Variants in WDR89 observed in about 807,000 individuals in gnomAD.
WDR89 encodes the protein WD repeat-containing protein 89.
A neutral mutation model predicts 29.1 loss-of-function variants in WDR89; 17 were observed. The observed-to-expected ratio is 0.58, with a 90% CI of 0.40 to 0.88. The LOEUF (loss-of-function observed/expected upper bound fraction) is 0.88, where lower values mean the gene tolerates loss of function less well. Among genes scored for constraint, WDR89 ranks in the 40% least tolerant of loss-of-function variants. WDR89 has a pLI of 0.00. For missense variants in WDR89, 396 were observed against 456.3 expected, an observed-to-expected ratio of 0.87 and a Z score of 1.20; for synonymous variants, 138 against 157.8, an observed-to-expected ratio of 0.87 and a Z score of 0.94.
intron 2 of WDR89, among the ~76,000 whole-genome samples, chr14:63,603,829 C>T (rs920164323): frequency 1.3e-5 from 2 of 152,180 alleles, no homozygotes; most frequent in Admixed American, 1.3e-4. Context: ...TTTCCAGTAA[C>T]GCTGGGGTAG....
intron 1 of WDR89, among the ~76,000 whole-genome samples, chr14:63,639,544 T>C (rs1486022231): frequency 1.3e-5 from 2 of 152,058 alleles, no homozygotes; most frequent in Non-Finnish European, 2.9e-5. Context: ...ATGAACAAAA[T>C]ACACCCTTTT....
In WDR89 at chr14:63,605,211, TACACACACAC is replaced by T. The variant is rs200461481; in HGVS notation, c.-31-5248_-31-5239del. ...ACACACACACATATATACATACACA[TACACACACAC>T]ACACACACACACACACACACACGAG... is the stretch of plus-strand genomic sequence containing the variant. On this transcript the variant is annotated intron_variant, in intron 2 of 2. Transcript: ENST00000620954. 2.4e-3 allele frequency among the ~76,000 whole-genome samples: 242 copies of T among 102,554 alleles called. 1 individual carries two copies. The highest frequency in any genetic ancestry group is 6.5e-3 in the African/African-American group (231 of 35,550). The allele number at this position is 102,554 out of a possible 152,430, so 67.3% of individuals were successfully genotyped here. A position where few individuals can be genotyped will look rare whatever the true frequency, so the allele number is the denominator to read the frequency against.
intron 2 of WDR89, among the ~76,000 whole-genome samples, chr14:63,623,703 C>CA (rs34839479): frequency 0.098 from 3,845 of 39,048 alleles, 757 homozygotes; most frequent in African/African-American, 0.16. Flanking sequence ...GACTCTGTCT[C>CA]AAAAAAAAAA....
chr14:63,619,149 G>C (rs182552860), intron 2 of WDR89, among the ~76,000 whole-genome samples: 1 of 152,334 alleles, frequency 6.6e-6, no homozygotes, highest in East Asian at 1.9e-4. Context: ...GAAACCTCCT[G>C]TTGGGGCCTG....
chr14:63,617,211 T>A (rs1157426521), intron 2 of WDR89, among the ~76,000 whole-genome samples: 2 of 151,022 alleles, frequency 1.3e-5, no homozygotes, highest in Non-Finnish European at 2.9e-5. Context: ...CCCAAGGAGC[T>A]CGGATTACAG....
At chr14:63,640,542 A>C in intron 1 of WDR89, among the ~76,000 whole-genome samples, 1 of 149,652 alleles carries the variant, frequency 6.7e-6, no homozygotes, top group Admixed American at 6.7e-5. Context: ...AGGCTGGAGT[A>C]CAGTAGCACG....
At chr14:63,624,281 A>T (rs887946908) in intron 2 of WDR89, among the ~76,000 whole-genome samples, 4 of 152,220 alleles carry the variant, frequency 2.6e-5, no homozygotes, top group African/African-American at 9.6e-5. Context: ...AGCCTGGGTG[A>T]CATGGCAAAA....
chr14:63,605,337 A>T lies in WDR89; in HGVS notation c.-31-5364T>A, dbSNP rs1331073403. 3.3e-5 allele frequency among the ~76,000 whole-genome samples: 5 copies of T among 151,796 alleles called. No individual in the cohort carries two copies. In the East Asian group the frequency reaches 9.7e-4, roughly 29 times the overall value. ...TCTGTGGTGATGCGTGTATAAACAA[A>T]CCTATTGCACTGCCAGTCATATAAA... On this transcript the variant is annotated intron_variant, in intron 2 of 2. Coordinates refer to ENST00000620954, the MANE Select transcript of WDR89 (RefSeq NM_080666.4).
chr14:63,630,497 A>G (rs963536914), intron 1 of WDR89, among the ~76,000 whole-genome samples: 1 of 151,896 alleles, frequency 6.6e-6, no homozygotes, highest in Non-Finnish European at 1.5e-5. Flanking sequence ...TACAAAAATT[A>G]GCCGGGATGG....
At chr14:63,622,254 G>A (rs1047087078) in intron 2 of WDR89, among the ~76,000 whole-genome samples, 1 of 152,016 alleles carries the variant, frequency 6.6e-6, no homozygotes, top group Non-Finnish European at 1.5e-5. Context: ...GGCCAACAAG[G>A]TGAAACCACG....
At chr14:63,613,822 T>A in intron 2 of WDR89, among the ~76,000 whole-genome samples, 1 of 95,850 alleles carries the variant, frequency 1.0e-5, no homozygotes. Flanking sequence ...TTTAAACATC[T>A]TTTTTTTTTT....
rs141157376 is a variant in WDR89, at chr14:63,598,981, G to C, written c.962C>G (p.Ala321Gly). The C allele has an allele frequency of 5.0e-6, 8 of 1,614,058 alleles. No individual in the cohort carries two copies. Among genetic ancestry groups the C allele is most frequent in the Non-Finnish European group, 6.8e-6 (8 of 1,180,026 alleles). ...CCAACAGAAAGAACGGACTGTAGCA[G>C]CATGCCCTCCCTGAAGGCTAGTCAC... ...THVTSLQGGH[A>G]ATVRSFCWNV... Residue 321 changes from alanine (A) to glycine (G), a missense_variant, in exon 3 of 3, where the codon GCT becomes GGT. Physicochemically the swap from Ala to Gly is moderately conservative, Grantham distance 60. Transcript: ENST00000620954.
chr14:63,618,084 C>G (rs1486707441), intron 2 of WDR89: 1 of 152,094 alleles, frequency 6.6e-6, no homozygotes, highest in Non-Finnish European at 1.5e-5. Flanking sequence ...TGGTACGATA[C>G]AGATTAGCAT....
intron 1 of WDR89, among the ~76,000 whole-genome samples, chr14:63,638,869 A>G (rs900030658): frequency 4.6e-5 from 7 of 152,190 alleles, no homozygotes; most frequent in Non-Finnish European, 1.0e-4. Flanking sequence ...AAAGATACAA[A>G]GGTCTTAATT....
intron 2 of WDR89, among the ~76,000 whole-genome samples, chr14:63,606,008 CTT>C (rs907356786): frequency 2.0e-5 from 3 of 146,504 alleles, no homozygotes; most frequent in Non-Finnish European, 1.5e-5. Flanking sequence ...CTTTTTTCTT[CTT>C]TTTTTTTTTG....
chr14:63,600,009 T>C (rs1387930037), intron 2 of WDR89, 36 bp from the exon 3 acceptor site: 1 of 1,233,002 alleles, frequency 8.1e-7, no homozygotes, highest in East Asian at 2.8e-5. Context: ...TAAAAATTAA[T>C]GCTTAACAAG....
rs1882762055 is a variant in WDR89, at chr14:63,622,472, T to C, written c.-32+2456A>G. On this transcript the variant is annotated intron_variant, in intron 2 of 2. Transcript: ENST00000620954. ...GGCACATGCCTATAATCCCAGCTAC[T>C]TGGGAGGCTGAGACAGGAGAATCGC... 3.3e-5 allele frequency among the ~76,000 whole-genome samples: 5 copies of C among 152,236 alleles called. No individual in the cohort carries two copies. In the South Asian group the frequency reaches 8.3e-4, roughly 25 times the overall value.
At chr14:63,610,464 T>C (rs1488774082) in intron 2 of WDR89, among the ~76,000 whole-genome samples, 4 of 151,762 alleles carry the variant, frequency 2.6e-5, no homozygotes, top group Non-Finnish European at 4.4e-5. Flanking sequence ...TAGAGAAGAA[T>C]AGAGTACAGA....
At chr14:63,625,499 T>C (rs1193456449) in intron 1 of WDR89, among the ~76,000 whole-genome samples, 1 of 151,952 alleles carries the variant, frequency 6.6e-6, no homozygotes, top group Non-Finnish European at 1.5e-5. Context: ...TAAATTACAC[T>C]TTAACAAACC....
Sources: gnomAD v4.1 joint callset for allele counts (sites outside exome capture counted in the v4.1 genomes callset) on GRCh38, gnomAD v4.1.1 for gene constraint, MANE v1.5 for transcripts, NCBI Gene and HGNC (gene_info 2026-07-23, HGNC 2026-07-21) for gene names.